CLN6: variants seen among roughly 807,000 people sequenced by gnomAD.
CLN6 encodes ceroid-lipofuscinosis neuronal protein 6.
A neutral mutation model predicts 33.3 loss-of-function variants in CLN6; 22 were observed. The observed-to-expected ratio is 0.66, with a 90% confidence interval of 0.47 to 0.94. The LOEUF (loss-of-function observed/expected upper bound fraction) is 0.94, where lower values mean the gene tolerates loss of function less well. Ranked by LOEUF, CLN6 falls within the 40% of genes least tolerant of loss-of-function variation. CLN6 has a pLI of 0.00. For missense variants in CLN6, 387 were observed against 417.1 expected (o/e 0.93, Z 0.63); for synonymous variants, 201 against 174.6 (o/e 1.15, Z -1.19).
chr15:68,219,529 C>T lies in CLN6; in HGVS notation c.84-879G>A, dbSNP rs1449082270. Reference sequence around the variant, plus strand: ...CTCTCACTAAACAGTTGGTCATCTGCTGTTCACAGATGCACTGAAGTTCCA... The same window carrying T: ...CTCTCACTAAACAGTTGGTCATCTGTTGTTCACAGATGCACTGAAGTTCCA... On this transcript the variant is annotated intron_variant, in intron 1 of 6. Transcript: ENST00000249806. This position sits in a 1 kb window ranked among gnomAD's most constrained non-coding sequence, Gnocchi z 4.2. Among the ~76,000 whole-genome samples, 2 of 152,186 alleles carry T rather than the reference C, an allele frequency of 1.3e-5. No homozygotes were observed. Among genetic ancestry groups the T allele is most frequent in the East Asian group, 3.8e-4 (2 of 5,200 alleles).
Position 68,208,059 on chromosome 15 carries a change from AC to A in CLN6, c.*80del, listed in dbSNP as rs1273294160. 3.8e-5 allele frequency: 56 copies of A among 1,471,624 alleles called. No individual in the cohort carries two copies. The highest frequency in any genetic ancestry group is 9.8e-5 in the South Asian group (8 of 81,936). 91.2% of individuals were successfully genotyped at this position (1,471,624 alleles called of 1,614,324 possible). A position where few individuals can be genotyped will look rare whatever the true frequency, so the allele number is the denominator to read the frequency against. The stretch of plus-strand genomic sequence containing the variant: ...TCTCGGTCTCTGGTTACACACCCAC[AC>A]CCCCCCTACTCCTGTATTCAGATGC... On this transcript the variant is annotated 3_prime_UTR_variant, in exon 7 of 7. Transcript: ENST00000249806. The surrounding 1 kb of genome is among the most constrained non-coding windows in gnomAD (Gnocchi z 5.8).
At chr15:68,235,603 T>A (rs1473121628) in intron 1 of CLN6, among the ~76,000 whole-genome samples, 215 of 2,806 alleles carry the variant, frequency 0.077, 4 homozygotes, top group Admixed American at 0.09. Flanking sequence ...TATATATATA[T>A]ATATATATAT....
Position 68,208,054 on chromosome 15 carries a change from C to A in CLN6, c.*86G>T. 2 of 1,460,448 alleles carry A rather than the reference C, an allele frequency of 1.4e-6. No individual in the cohort carries two copies. The allele number at this position is 1,460,448 out of a possible 1,614,324, so 90.5% of individuals were successfully genotyped here. On this transcript the variant is annotated 3_prime_UTR_variant, in exon 7 of 7. Coordinates refer to ENST00000249806, the MANE Select transcript of CLN6 (RefSeq NM_017882.3). The surrounding 1 kb of genome is among the most constrained non-coding windows in gnomAD (Gnocchi z 5.8). The stretch of plus-strand genomic sequence containing the variant: ...CATGCTCTCGGTCTCTGGTTACACA[C>A]CCACACCCCCCCTACTCCTGTATTC...
chr15:68,217,182 C>T (rs1466380239), intron 2 of CLN6, among the ~76,000 whole-genome samples: 1 of 152,192 alleles, frequency 6.6e-6, no homozygotes, highest in Admixed American at 6.5e-5. Context: ...ACTAATCTTG[C>T]CAAGTTGTTA....
Position 68,211,931 on chromosome 15 carries a change from C to T in CLN6, c.298-68G>A, listed in dbSNP as rs982110599. The T allele has an allele frequency of 1.0e-5, 15 of 1,506,230 alleles. No homozygotes were observed. The highest frequency in any genetic ancestry group is 2.3e-4 in the Middle Eastern group (1 of 4,394). 93.3% of individuals were successfully genotyped at this position (1,506,230 alleles called of 1,614,324 possible). On this transcript the variant is annotated intron_variant, in intron 3 of 6. Coordinates refer to ENST00000249806, the MANE Select transcript of CLN6 (RefSeq NM_017882.3). This position sits in a 1 kb window ranked among gnomAD's most constrained non-coding sequence, Gnocchi z 5.9. ...CACAGTATGTGACACCCTCTGCTTCCCCCCTCACACCTGGGGTGGGATGGA... is the reference window on the plus strand; with the variant it reads ...CACAGTATGTGACACCCTCTGCTTCTCCCCTCACACCTGGGGTGGGATGGA...
chr15:68,227,020 T>C lies in CLN6; in HGVS notation c.83+2482A>G, dbSNP rs1051130651. On this transcript the variant is annotated intron_variant, in intron 1 of 6. Coordinates refer to ENST00000249806, the MANE Select transcript of CLN6 (RefSeq NM_017882.3). The surrounding 1 kb of genome is among the most constrained non-coding windows in gnomAD (Gnocchi z 4.1). ...GATTTATCACGGGCACTAATTATAA[T>C]ACTTTCTTTTCTTTTCTTTTTTTAC... 6.6e-6 allele frequency among the ~76,000 whole-genome samples: 1 copy of C among 151,868 alleles called. No individual in the cohort carries two copies. Among genetic ancestry groups the C allele is most frequent in the African/African-American group, 2.4e-5 (1 of 41,364 alleles).
At position 68,220,987 on chromosome 15, in the gene CLN6, A is replaced by G. The variant is rs2093234079; in HGVS notation, c.84-2337T>C. ...ACCACAGGTGCATGCCACTATGCCCAGCTAATTTTATTTTATTATTATTAT... is the reference window on the plus strand; with the variant it reads ...ACCACAGGTGCATGCCACTATGCCCGGCTAATTTTATTTTATTATTATTAT... On this transcript the variant is annotated intron_variant, in intron 1 of 6. Coordinates refer to ENST00000249806, the MANE Select transcript of CLN6 (RefSeq NM_017882.3). The surrounding 1 kb of genome is among the most constrained non-coding windows in gnomAD (Gnocchi z 4.2). 7.3e-6 allele frequency among the ~76,000 whole-genome samples: 1 copy of G among 136,808 alleles called. No individual in the cohort carries two copies. Among genetic ancestry groups the G allele is most frequent in the African/African-American group, 2.8e-5 (1 of 35,730 alleles). 89.8% of individuals were successfully genotyped at this position (136,808 alleles called of 152,430 possible).
rs1400432 is a variant in CLN6, at chr15:68,210,266, G to A, written c.543-507C>T. 0.59 allele frequency among the ~76,000 whole-genome samples: 81,427 copies of A among 137,166 alleles called. 22,821 individuals carry two copies. Among genetic ancestry groups the A allele is most frequent in the African/African-American group, 0.65 (24,322 of 37,598 alleles). 90.0% of individuals were successfully genotyped at this position (137,166 alleles called of 152,430 possible). A position where few individuals can be genotyped will look rare whatever the true frequency, so the allele number is the denominator to read the frequency against. On this transcript the variant is annotated intron_variant, in intron 5 of 6. Transcript: ENST00000249806. This position sits in a 1 kb window ranked among gnomAD's most constrained non-coding sequence, Gnocchi z 5.6. The stretch of plus-strand genomic sequence containing the variant: ...CTACCCTCTCCCCTCTCCACACACC[G>A]GCTCCCTTTCTCCCACCTGTGCTTT...
chr15:68,238,585 A>C (rs1892250286), intron 1 of CLN6, among the ~76,000 whole-genome samples: 2 of 152,212 alleles, frequency 1.3e-5, no homozygotes, highest in African/African-American at 4.8e-5. Context: ...CAAAGTGTTA[A>C]GAGAAAGTTA....
At chr15:68,251,636 C>T (rs1029986715) in intron 1 of CLN6, among the ~76,000 whole-genome samples, 1 of 151,896 alleles carries the variant, frequency 6.6e-6, no homozygotes, top group Non-Finnish European at 1.5e-5. Flanking sequence ...GATCGCCCCA[C>T]TGCACTCCAG....
chr15:68,240,761 A>G (rs930939020), intron 1 of CLN6, among the ~76,000 whole-genome samples: 63 of 151,990 alleles, frequency 4.1e-4, no homozygotes, highest in African/African-American at 1.5e-3. Context: ...AGAGAGGCGG[A>G]TCACTTGAGG....
At chr15:68,218,180 C>T (rs902957784) in intron 2 of CLN6, 37 of 280,036 alleles carry the variant, frequency 1.3e-4, no homozygotes, top group Admixed American at 2.3e-4. Context: ...GGTGGGGGTG[C>T]GGTGCTCCAC....
intron 3 of CLN6, chr15:68,212,482 G>A (rs770490991): frequency 6.5e-6 from 1 of 154,024 alleles, no homozygotes; most frequent in Non-Finnish European, 1.4e-5. Context: ...TCAGATTTTG[G>A]AATATTTGCA....
In CLN6 at chr15:68,220,615, A is replaced by C. The variant is rs569175348; in HGVS notation, c.84-1965T>G. Among the ~76,000 whole-genome samples, 1 of 152,360 alleles carries C rather than the reference A, an allele frequency of 6.6e-6. No homozygotes were observed. The highest frequency in any genetic ancestry group is 6.5e-5 in the Admixed American group (1 of 15,306). On this transcript the variant is annotated intron_variant, in intron 1 of 6. Coordinates refer to ENST00000249806, the MANE Select transcript of CLN6 (RefSeq NM_017882.3). This position sits in a 1 kb window ranked among gnomAD's most constrained non-coding sequence, Gnocchi z 4.2. ...CCAGGTAAGAATGAAGTAGCCTCGC[A>C]GAGAGGATCAGGGAAAGGGGGAGAA...
rs3837692 is a variant in CLN6 at position 68,207,979 on chromosome 15, G to GACACAC, written c.*155_*160dup. Reference sequence around the variant, plus strand: ...ATGCACTCTGCGCACACATATACAAGACACACACACACACACACACGAATC... The same window carrying GACACAC: ...ATGCACTCTGCGCACACATATACAAGACACACACACACACACACACACACACGAATC... On this transcript the variant is annotated 3_prime_UTR_variant, in exon 7 of 7. Coordinates refer to ENST00000249806, the MANE Select transcript of CLN6 (RefSeq NM_017882.3). 5,437 of 631,230 alleles carry GACACAC rather than the reference G, an allele frequency of 8.6e-3. 178 individuals are homozygous for GACACAC. Among genetic ancestry groups the GACACAC allele is most frequent in the African/African-American group, 0.081 (4,477 of 55,254 alleles). The allele number at this position is 631,230 out of a possible 1,614,324, so 39.1% of individuals were successfully genotyped here.
chr15:68,237,515 A>G (rs1892232994), intron 1 of CLN6, among the ~76,000 whole-genome samples: 1 of 152,112 alleles, frequency 6.6e-6, no homozygotes, highest in Admixed American at 6.6e-5. Context: ...CAAAACAACA[A>G]TAACAAAAAC....
rs772109093 is a variant in CLN6 at position 68,256,853 on chromosome 15, C to T, written c.16G>A (p.Gly6Arg). 15 of 694,438 alleles carry T rather than the reference C, an allele frequency of 2.2e-5. No individual in the cohort carries two copies. The African/African-American group carries it at 2.5e-4, about 11-fold the overall frequency. 43.0% of individuals were successfully genotyped at this position (694,438 alleles called of 1,614,324 possible). Reference sequence around the variant, plus strand: ...CTGCCTCTCGCTCGCCGCTCCTTCCCGGCAACGGCTGCCATTTTCCGCCCA... The same window carrying T: ...CTGCCTCTCGCTCGCCGCTCCTTCCTGGCAACGGCTGCCATTTTCCGCCCA... The change falls in exon 1 of 7, where the codon GGG becomes AGG. Residue 6 changes from glycine to arginine, a missense_variant. Transcript: ENST00000538696. This position sits in a 1 kb window ranked among gnomAD's most constrained non-coding sequence, Gnocchi z 4.1.
rs1260075637 is a variant in CLN6 at position 68,227,786 on chromosome 15, T to C, written c.83+1716A>G. Among the ~76,000 whole-genome samples the C allele has an allele frequency of 6.6e-6, 1 of 152,186 alleles. No homozygotes were observed. The highest frequency in any genetic ancestry group is 1.5e-5 in the Non-Finnish European group (1 of 68,042). On this transcript the variant is annotated intron_variant, in intron 1 of 6. Transcript: ENST00000249806. The surrounding 1 kb of genome is among the most constrained non-coding windows in gnomAD (Gnocchi z 4.1). ...TTGGAAGTGACATCTGGCAGCTCAT[T>C]GTCAAGACTGAGTAAGATGCTAGAC... is the stretch of plus-strand genomic sequence containing the variant.
chr15:68,238,329 G>A (rs1298101934), intron 1 of CLN6, among the ~76,000 whole-genome samples: 1 of 151,484 alleles, frequency 6.6e-6, no homozygotes, highest in Non-Finnish European at 1.5e-5. Flanking sequence ...ACTTGAATCA[G>A]GGAGTCAGAG....
Sources: allele counts gnomAD v4.1 joint callset (sites outside exome capture counted in the v4.1 genomes callset), GRCh38; gene constraint gnomAD v4.1.1; non-coding constraint Gnocchi (gnomAD v3.1); transcripts MANE v1.5; gene names NCBI Gene and HGNC (gene_info 2026-07-23, HGNC 2026-07-21).